The following RALB variants were observed in gnomAD, a reference collection of about 807,000 sequenced individuals.
RALB encodes RAS like proto-oncogene B, also known as ras-related protein Ral-B.
In RALB, 16 loss-of-function variants were observed where a neutral mutation model predicts 21.3. The ratio of observed to expected loss-of-function variants is 0.75; its 90% CI spans 0.51 to 1.14. RALB has a LOEUF of 1.14. Among genes scored for constraint, RALB ranks in the 50% most tolerant of loss-of-function variants. The probability of loss-of-function intolerance (pLI) is 0.00; values close to 1 mark genes in which losing one functional copy is unlikely to be tolerated. For synonymous variants in RALB, 93 were observed against 96.1 expected (o/e 0.97, Z 0.19); for missense variants, 161 against 256.2 (o/e 0.63, Z 2.54).
At chr2:120,261,104 A>T (rs375794579) in intron 1 of RALB, among the ~76,000 whole-genome samples, 2 of 152,312 alleles carry the variant, frequency 1.3e-5, no homozygotes, top group East Asian at 3.9e-4. Context: ...TTTGAGAAGC[A>T]TTAGCACAGA....
intron 1 of RALB, among the ~76,000 whole-genome samples, chr2:120,277,394 TGA>T (rs903650721): frequency 1.3e-4 from 20 of 151,308 alleles, no homozygotes; most frequent in East Asian, 1.2e-3. Flanking sequence ...CATGTATGTG[TGA>T]GAGCATGTGA....
At chr2:120,268,937 A>AT (rs11448973) in intron 1 of RALB, among the ~76,000 whole-genome samples, 105,455 of 151,768 alleles carry the variant, frequency 0.69, 37,238 homozygotes, top group Middle Eastern at 0.81. Flanking sequence ...TAAACAAACA[A>AT]TTTTTTTAAA....
upstream of RALB, among the ~76,000 whole-genome samples, chr2:120,248,295 C>G (rs968865959): frequency 3.3e-5 from 5 of 152,304 alleles, no homozygotes; most frequent in African/African-American, 1.2e-4. Flanking sequence ...TGAATACACT[C>G]CTGCCAGCTC....
chr2:120,289,172 A>T (rs1433350252), intron 3 of RALB, among the ~76,000 whole-genome samples: 4 of 152,128 alleles, frequency 2.6e-5, no homozygotes, highest in Admixed American at 2.6e-4. Context: ...TTTTCAGGGG[A>T]ATTAAGCATT....
At chr2:120,267,214 G>C (rs1689526133) in intron 1 of RALB, among the ~76,000 whole-genome samples, 1 of 152,014 alleles carries the variant, frequency 6.6e-6, no homozygotes, top group African/African-American at 2.4e-5. Context: ...TTTTTTTGGA[G>C]GGGGCGCGTG....
At chr2:120,258,556 A>C (rs959175214) in intron 1 of RALB, among the ~76,000 whole-genome samples, 1 of 152,224 alleles carries the variant, frequency 6.6e-6, no homozygotes, top group South Asian at 2.1e-4. Context: ...TTTCATGTGC[A>C]GTGTTAGAAG....
chr2:120,289,340 C>T (rs1690251748), intron 3 of RALB, among the ~76,000 whole-genome samples: 1 of 150,876 alleles, frequency 6.6e-6, no homozygotes, highest in Admixed American at 6.6e-5. Context: ...GCCCAGAAAT[C>T]TGCATTTGTG....
intron 1 of RALB, among the ~76,000 whole-genome samples, chr2:120,261,580 A>G (rs1301013901): frequency 1.3e-5 from 2 of 152,116 alleles, no homozygotes; most frequent in Non-Finnish European, 2.9e-5. Context: ...AAGTGCATTG[A>G]GAGTGGAGTG....
At chr2:120,270,081 G>T (rs1318820069) in intron 1 of RALB, among the ~76,000 whole-genome samples, 2 of 152,136 alleles carry the variant, frequency 1.3e-5, no homozygotes, top group African/African-American at 4.8e-5. Context: ...AAAAAACTAG[G>T]TTGTTTGACT....
chr2:120,283,287 A>AT (rs1249313974), intron 2 of RALB, among the ~76,000 whole-genome samples: 8 of 152,056 alleles, frequency 5.3e-5, no homozygotes, highest in East Asian at 1.9e-4. Flanking sequence ...TTTGCAATAT[A>AT]TTTTTTTAGC....
At chr2:120,266,314 G>A (rs937582977) in intron 1 of RALB, among the ~76,000 whole-genome samples, 2 of 152,074 alleles carry the variant, frequency 1.3e-5, no homozygotes, top group Non-Finnish European at 2.9e-5. Context: ...GCGCGATCTC[G>A]GCTCACTGCA....
chr2:120,291,294 G>A (rs1410519538), intron 4 of RALB, among the ~76,000 whole-genome samples: 2 of 152,190 alleles, frequency 1.3e-5, no homozygotes, highest in African/African-American at 2.4e-5. Flanking sequence ...TGGGAAGCGC[G>A]TGTTCCGCCG....
intron 1 of RALB, among the ~76,000 whole-genome samples, chr2:120,276,653 C>T (rs1348762497): frequency 6.6e-6 from 1 of 152,016 alleles, no homozygotes; most frequent in African/African-American, 2.4e-5. Context: ...ACTCTTTGCC[C>T]TCACTATCTG....
At chr2:120,279,519 G>C (rs374212609) in intron 2 of RALB, among the ~76,000 whole-genome samples, 1 of 152,174 alleles carries the variant, frequency 6.6e-6, no homozygotes, top group African/African-American at 2.4e-5. Flanking sequence ...AACTGTTTGC[G>C]TAGCCTTTAC....
At chr2:120,263,821 C>T (rs890388462) in intron 1 of RALB, among the ~76,000 whole-genome samples, 3 of 151,716 alleles carry the variant, frequency 2.0e-5, no homozygotes, top group South Asian at 4.2e-4. Context: ...TGAGCCACTG[C>T]GCCTGGCCTG....
chr2:120,264,541 G>T (rs1281984352), intron 1 of RALB, among the ~76,000 whole-genome samples: 1 of 88,230 alleles, frequency 1.1e-5, no homozygotes, highest in Non-Finnish European at 2.4e-5. Flanking sequence ...TCAAGGGTTT[G>T]TTTTCCTGTC....
chr2:120,292,551 T>C (rs1362391365), intron 4 of RALB, among the ~76,000 whole-genome samples: 1 of 152,248 alleles, frequency 6.6e-6, no homozygotes, highest in Non-Finnish European at 1.5e-5. Context: ...GAAAGTCTGC[T>C]TGCTGTTATT....
At chr2:120,290,998 T>G (rs1252903378) in intron 4 of RALB, among the ~76,000 whole-genome samples, 1 of 152,250 alleles carries the variant, frequency 6.6e-6, no homozygotes, top group African/African-American at 2.4e-5. Context: ...TCCTGTCTTC[T>G]GTTTCTCTTT....
At position 120,252,933 on chromosome 2, in the gene RALB, G is replaced by T; in HGVS notation, c.-95G>T. ...CCGGGAGGGGGCGGGGCGCGTTTAA[G>T]AGCTGCGGGCCGGGTGCGGACGGCG... is the stretch of plus-strand genomic sequence containing the variant. On this transcript the variant is annotated 5_prime_UTR_variant, in exon 1 of 5. Transcript: ENST00000272519. The T allele has an allele frequency of 1.0e-6, 1 of 985,624 alleles. No individual in the cohort carries two copies. Among genetic ancestry groups the T allele is most frequent in the South Asian group, 4.7e-5 (1 of 21,328 alleles). The allele number at this position is 985,624 out of a possible 1,614,324, so 61.1% of individuals were successfully genotyped here.
Sources: allele counts gnomAD v4.1 joint callset (sites outside exome capture counted in the v4.1 genomes callset), GRCh38; gene constraint gnomAD v4.1.1; transcripts MANE v1.5; gene names NCBI Gene and HGNC (gene_info 2026-07-23, HGNC 2026-07-21).